The following SOX5 variants were observed in gnomAD, a reference collection of about 807,000 sequenced individuals.
SOX5 encodes transcription factor SOX-5.
A neutral mutation model predicts 92.0 loss-of-function variants in SOX5; 9 were observed. That is an observed-to-expected ratio of 0.10 (90% CI 0.06 to 0.17). The LOEUF is 0.17. Among genes scored for constraint, SOX5 ranks in the 10% least tolerant of loss-of-function variants. SOX5 has a pLI of 1.00. For missense variants in SOX5, 642 were observed against 944.5 expected, an observed-to-expected ratio of 0.68 and a Z score of 4.20; for synonymous variants, 344 against 336.3, an observed-to-expected ratio of 1.02 and a Z score of -0.25.
chr12:23,724,463 CCT>C (rs1345052652), intron 6 of SOX5, among the ~76,000 whole-genome samples: 1 of 151,996 alleles, frequency 6.6e-6, no homozygotes, highest in Non-Finnish European at 1.5e-5. Context: ...ATATTTTTTC[CCT>C]GTTTATAATA....
intron 1 of SOX5, among the ~76,000 whole-genome samples, chr12:23,899,357 C>T (rs547035828): frequency 3.3e-5 from 5 of 150,532 alleles, no homozygotes; most frequent in Admixed American, 2.0e-4. Flanking sequence ...GCCGAGATCA[C>T]ACCATTGCAT....
At chr12:23,916,443 A>C (rs1284619346) in intron 1 of SOX5, among the ~76,000 whole-genome samples, 1 of 152,168 alleles carries the variant, frequency 6.6e-6, no homozygotes, top group Non-Finnish European at 1.5e-5. Context: ...AGTGATGTCG[A>C]GATAGTTTAA....
chr12:24,470,143 G>A (rs779456509), intron 1 of SOX5, among the ~76,000 whole-genome samples: 1 of 152,216 alleles, frequency 6.6e-6, no homozygotes, highest in Non-Finnish European at 1.5e-5. Context: ...TACAGATGAT[G>A]TAGAAAACCA....
At chr12:23,798,519 T>C (rs1208545359) in intron 3 of SOX5, among the ~76,000 whole-genome samples, 2 of 150,754 alleles carry the variant, frequency 1.3e-5, no homozygotes, top group African/African-American at 2.4e-5. Context: ...TACTCATGCA[T>C]ATAGCAAATA....
At chr12:23,840,981 T>A (rs960890520) in intron 3 of SOX5, among the ~76,000 whole-genome samples, 2 of 152,106 alleles carry the variant, frequency 1.3e-5, no homozygotes, top group African/African-American at 4.8e-5. Context: ...AAACAATTAA[T>A]AATTAGATTT....
chr12:24,533,687 G>C (rs2138685979), intron 1 of SOX5, among the ~76,000 whole-genome samples: 1 of 152,008 alleles, frequency 6.6e-6, no homozygotes, highest in East Asian at 1.9e-4. Context: ...CTTCCATAAA[G>C]ACTTTTATTA....
chr12:24,163,849 A>C (rs1413540849), intron 4 of SOX5, among the ~76,000 whole-genome samples: 1 of 151,956 alleles, frequency 6.6e-6, no homozygotes, highest in Non-Finnish European at 1.5e-5. Flanking sequence ...ATCTAGCTCC[A>C]TATTTCTCTC....
At chr12:23,988,332 A>C (rs892040440) in intron 4 of SOX5, among the ~76,000 whole-genome samples, 20 of 152,188 alleles carry the variant, frequency 1.3e-4, no homozygotes, top group African/African-American at 4.8e-4. Context: ...AACATAGGCA[A>C]GGAGATCCCA....
intron 3 of SOX5, among the ~76,000 whole-genome samples, chr12:23,838,059 CTT>C (rs1406455210): frequency 1.2e-5 from 1 of 84,030 alleles, no homozygotes; most frequent in African/African-American, 4.6e-5. Flanking sequence ...TATATTTATA[CTT>C]ATATATATTA....
At chr12:23,932,444 G>A (rs905731566) in intron 1 of SOX5, among the ~76,000 whole-genome samples, 7 of 151,576 alleles carry the variant, frequency 4.6e-5, no homozygotes, top group Non-Finnish European at 1.0e-4. Context: ...AATATGAACT[G>A]TATGTCAAAT....
At chr12:23,816,536 C>G (rs2095998431) in intron 3 of SOX5, among the ~76,000 whole-genome samples, 1 of 152,058 alleles carries the variant, frequency 6.6e-6, no homozygotes, top group Non-Finnish European at 1.5e-5. Context: ...TGGAGGTTTA[C>G]ATCTAGCAGA....
chr12:24,238,573 T>G (rs1223132210), intron 3 of SOX5, among the ~76,000 whole-genome samples: 1 of 152,096 alleles, frequency 6.6e-6, no homozygotes, highest in African/African-American at 2.4e-5. Context: ...CCCAGGTTGG[T>G]CTTAAACTCC....
intron 1 of SOX5, among the ~76,000 whole-genome samples, chr12:23,900,236 C>G (rs1209839044): frequency 6.6e-6 from 1 of 152,184 alleles, no homozygotes; most frequent in Non-Finnish European, 1.5e-5. Context: ...GAAACATGCT[C>G]ACTTGTAAAA....
At chr12:23,998,333 C>T (rs1169676289) in intron 4 of SOX5, among the ~76,000 whole-genome samples, 1 of 151,988 alleles carries the variant, frequency 6.6e-6, no homozygotes, top group South Asian at 2.1e-4. Flanking sequence ...AGTAGATTTG[C>T]CTGGCCTGTA....
At chr12:23,931,962 TTCC>T (rs1941521602) in intron 1 of SOX5, among the ~76,000 whole-genome samples, 1 of 151,552 alleles carries the variant, frequency 6.6e-6, no homozygotes, top group African/African-American at 2.4e-5. Context: ...GAAGCCCTAT[TTCC>T]TCAACAAGGG....
chr12:24,025,569 G>A (rs747686379), intron 4 of SOX5, among the ~76,000 whole-genome samples: 4 of 152,074 alleles, frequency 2.6e-5, no homozygotes, highest in South Asian at 4.1e-4. Context: ...CAGAAGAATG[G>A]ATCCTTCTTA....
intron 4 of SOX5, among the ~76,000 whole-genome samples, chr12:24,039,136 T>TA (rs766476430): frequency 6.6e-6 from 1 of 151,930 alleles, no homozygotes; most frequent in African/African-American, 2.4e-5. Context: ...AATACTAAAG[T>TA]AAAAAAATGT....
At chr12:23,979,946 T>C (rs12370105) in intron 4 of SOX5, among the ~76,000 whole-genome samples, 83,167 of 134,144 alleles carry the variant, frequency 0.62, 24,644 homozygotes, top group East Asian at 0.83. Flanking sequence ...GATAGATAGA[T>C]AGATAGACAG....
chr12:23,820,908 T>G lies in SOX5; in HGVS notation c.481+25075A>C, dbSNP rs562998781. ...CTAGGATTGTCTTGGCTATATGGGC[T>G]CTTTTTGAGTTCCATATGAAATTTG... On this transcript the variant is annotated intron_variant, in intron 3 of 14. Transcript: ENST00000451604. Among the ~76,000 whole-genome samples the G allele has an allele frequency of 2.6e-5, 4 of 152,328 alleles. No homozygotes were observed. In the East Asian group the frequency reaches 7.7e-4, roughly 29 times the overall value.
Sources: allele counts gnomAD v4.1 joint callset (sites outside exome capture counted in the v4.1 genomes callset), GRCh38; gene constraint gnomAD v4.1.1; transcripts MANE v1.5; gene names NCBI Gene and HGNC (gene_info 2026-07-23, HGNC 2026-07-21).